The following PAFAH1B1 variants were observed in gnomAD, a reference collection of about 807,000 sequenced individuals.
PAFAH1B1 encodes platelet-activating factor acetylhydrolase IB subunit beta.
Under a neutral mutation model 57.5 loss-of-function variants are expected in PAFAH1B1, and 2 were observed. That is an observed-to-expected ratio of 0.03 (90% CI 0.01 to 0.11). The LOEUF is 0.11. PAFAH1B1 is among the 10% of genes least tolerant of loss of function. The probability of loss-of-function intolerance (pLI) is 1.00; values close to 1 mark genes in which losing one functional copy is unlikely to be tolerated. For missense variants in PAFAH1B1, 257 were observed against 512.0 expected, an observed-to-expected ratio of 0.50 and a Z score of 4.81; for synonymous variants, 152 against 169.6, an observed-to-expected ratio of 0.90 and a Z score of 0.81.
chr17:2,631,635 C>G (rs1252224062), intron 1 of PAFAH1B1, among the ~76,000 whole-genome samples: 1 of 152,142 alleles, frequency 6.6e-6, no homozygotes, highest in East Asian at 1.9e-4. Context: ...GGGGTGTGTG[C>G]TCAGGAGAGG....
At chr17:2,679,699 A>G (rs1246840020) in intron 9 of PAFAH1B1, 9 of 210,384 alleles carry the variant, frequency 4.3e-5, no homozygotes, top group Non-Finnish European at 8.7e-5. Context: ...ATGCCTGTAT[A>G]TCCTTCACTT....
chr17:2,637,742 A>G (rs939868148), intron 1 of PAFAH1B1, among the ~76,000 whole-genome samples: 2 of 152,160 alleles, frequency 1.3e-5, no homozygotes, highest in Non-Finnish European at 2.9e-5. Flanking sequence ...TACCTTTTAT[A>G]CCTTTTTTGT....
intron 9 of PAFAH1B1, chr17:2,679,607 TGG>T (rs2069342945): frequency 1.4e-5 from 1 of 72,994 alleles, no homozygotes; most frequent in Admixed American, 1.4e-4. Flanking sequence ...GGTGGGTGGG[TGG>T]ATGGATGGAT....
Position 2,652,294 on chromosome 17 carries a change from A to G in PAFAH1B1, c.33-13078A>G, listed in dbSNP as rs368886945. Among the ~76,000 whole-genome samples, 210 of 152,066 alleles carry G rather than the reference A, an allele frequency of 1.4e-3. 1 individual carries two copies. The highest frequency in any genetic ancestry group is 4.6e-3 in the African/African-American group (190 of 41,494). On this transcript the variant is annotated intron_variant, in intron 2 of 10. Transcript: ENST00000397195. ...GCCGGGCGTGGTGGCGGGTGCCTGT[A>G]GTCCCAGCTACTCGGGAGGCTGAGG...
chr17:2,667,776 T>C (rs1318062692), intron 5 of PAFAH1B1, among the ~76,000 whole-genome samples: 1 of 151,966 alleles, frequency 6.6e-6, no homozygotes, highest in Admixed American at 6.6e-5. Flanking sequence ...TACAAGCTTT[T>C]CATTTTATAA....
intron 1 of PAFAH1B1, among the ~76,000 whole-genome samples, chr17:2,618,265 C>T (rs868155944): frequency 1.3e-5 from 2 of 152,042 alleles, no homozygotes; most frequent in Non-Finnish European, 2.9e-5. Flanking sequence ...ACCAAACTTT[C>T]ATTTATCATT....
intron 2 of PAFAH1B1, among the ~76,000 whole-genome samples, chr17:2,649,989 C>T (rs1027028955): frequency 2.0e-5 from 3 of 151,966 alleles, no homozygotes; most frequent in Non-Finnish European, 2.9e-5. Context: ...GAAAATATAC[C>T]CTTTGGGTAG....
chr17:2,628,761 T>C (rs970734083), intron 1 of PAFAH1B1, among the ~76,000 whole-genome samples: 1 of 152,204 alleles, frequency 6.6e-6, no homozygotes, highest in Non-Finnish European at 1.5e-5. Flanking sequence ...CGTTTCAGTG[T>C]CACTGCTTGT....
At chr17:2,646,273 C>T (rs1305416456) in intron 2 of PAFAH1B1, among the ~76,000 whole-genome samples, 1 of 151,666 alleles carries the variant, frequency 6.6e-6, no homozygotes, top group Non-Finnish European at 1.5e-5. Context: ...TTTATAAAAC[C>T]AATTTAAGAA....
chr17:2,631,624 G>C (rs10445281), intron 1 of PAFAH1B1, among the ~76,000 whole-genome samples: 1 of 152,218 alleles, frequency 6.6e-6, no homozygotes, highest in South Asian at 2.1e-4. Context: ...CTTCTCTAGT[G>C]GGGGTGTGTG....
At chr17:2,665,816 G>A (rs1324954217) in intron 3 of PAFAH1B1, among the ~76,000 whole-genome samples, 200 bp from the exon 4 acceptor site, 2 of 152,018 alleles carry the variant, frequency 1.3e-5, no homozygotes, top group African/African-American at 4.8e-5. Flanking sequence ...TGGCCAGGCT[G>A]GTCTCAAACT....
intron 1 of PAFAH1B1, 58 bp from the exon 2 acceptor site, chr17:2,638,041 T>C: frequency 2.0e-6 from 1 of 488,310 alleles, no homozygotes; most frequent in Non-Finnish European, 3.6e-6. Context: ...CTGTAACTAA[T>C]AATTTAGAAA....
At chr17:2,653,196 C>T (rs1174301255) in intron 2 of PAFAH1B1, among the ~76,000 whole-genome samples, 2 of 152,068 alleles carry the variant, frequency 1.3e-5, no homozygotes, top group African/African-American at 4.8e-5. Context: ...CACATGTTCT[C>T]ACTCATAGGT....
At chr17:2,602,034 C>T (rs1180224897) in intron 1 of PAFAH1B1, among the ~76,000 whole-genome samples, 1 of 152,074 alleles carries the variant, frequency 6.6e-6, no homozygotes, top group East Asian at 1.9e-4. Flanking sequence ...ACAGAATTAA[C>T]AAATTTTAAT....
intron 1 of PAFAH1B1, among the ~76,000 whole-genome samples, chr17:2,636,711 T>C (rs1240709284): frequency 6.6e-6 from 1 of 152,170 alleles, no homozygotes; most frequent in East Asian, 1.9e-4. Flanking sequence ...AGGGCTCATA[T>C]TTGAAACCCG....
intron 1 of PAFAH1B1, among the ~76,000 whole-genome samples, chr17:2,603,741 CTT>C (rs540782310): frequency 5.5e-5 from 8 of 144,342 alleles, no homozygotes; most frequent in African/African-American, 1.8e-4. Context: ...TCTCCAGATT[CTT>C]TTTTTTTTTT....
chr17:2,655,313 C>T (rs959126169), intron 2 of PAFAH1B1, among the ~76,000 whole-genome samples: 2 of 151,882 alleles, frequency 1.3e-5, no homozygotes, highest in Non-Finnish European at 2.9e-5. Context: ...AGCCCTTTTA[C>T]ATACCACATC....
At chr17:2,632,553 T>C (rs1223366541) in intron 1 of PAFAH1B1, among the ~76,000 whole-genome samples, 1 of 152,236 alleles carries the variant, frequency 6.6e-6, no homozygotes, top group East Asian at 1.9e-4. Flanking sequence ...ATCCCCATGG[T>C]GTTCTTTAAC....
At chr17:2,677,307 GTTTAT>G (rs1053751517) in intron 9 of PAFAH1B1, among the ~76,000 whole-genome samples, 18 of 152,242 alleles carry the variant, frequency 1.2e-4, no homozygotes, top group African/African-American at 4.3e-4. Context: ...ACATGATCTA[GTTTAT>G]TTGGCTTATT....
Sources: gnomAD v4.1 joint callset for allele counts (sites outside exome capture counted in the v4.1 genomes callset) on GRCh38, gnomAD v4.1.1 for gene constraint, MANE v1.5 for transcripts, NCBI Gene and HGNC (gene_info 2026-07-23, HGNC 2026-07-21) for gene names.